The following KPNA1 variants were observed in gnomAD, a reference collection of about 807,000 sequenced individuals.
The protein encoded by KPNA1 is importin subunit alpha-5.
KPNA1 carries 10 observed loss-of-function variants against 70.5 expected under a neutral mutation model. The observed-to-expected ratio is 0.14, with a 90% CI of 0.09 to 0.24. The LOEUF is 0.24. KPNA1 is among the 10% of genes least tolerant of loss of function. KPNA1 has a pLI of 1.00. For missense variants in KPNA1, 397 were observed against 637.9 expected (o/e 0.62, Z 4.07); for synonymous variants, 192 against 221.9 (o/e 0.87, Z 1.20).
At chr3:122,472,779 CAAT>C (rs1165735892) in intron 2 of KPNA1, among the ~76,000 whole-genome samples, 1 of 152,048 alleles carries the variant, frequency 6.6e-6, no homozygotes, top group South Asian at 2.1e-4. Context: ...ATTAAAAGGA[CAAT>C]AAAATAATAC....
At position 122,425,443 on chromosome 3, in the gene KPNA1, G is replaced by A. The variant is rs533432234; in HGVS notation, c.*1542C>T. On this transcript the variant is annotated 3_prime_UTR_variant, in exon 14 of 14. Coordinates refer to ENST00000344337, the MANE Select transcript of KPNA1 (RefSeq NM_002264.4). ...AAAGGGTATGCTCTGAAACAGAGGT[G>A]AGCAACCTTTTCCTTCAGAATTCAC... 2.2e-4 allele frequency: 34 copies of A among 152,712 alleles called. No homozygotes were observed. The highest frequency in any genetic ancestry group is 3.5e-4 in the Non-Finnish European group (24 of 68,020). The allele number at this position is 152,712 out of a possible 1,614,324, so 9.5% of individuals were successfully genotyped here.
intron 6 of KPNA1, among the ~76,000 whole-genome samples, chr3:122,453,449 A>T (rs2076232974): frequency 6.6e-6 from 1 of 152,244 alleles, no homozygotes; most frequent in Admixed American, 6.5e-5. Flanking sequence ...CCTTTGTGAC[A>T]ATCCATAGAT....
In KPNA1 at chr3:122,513,838, G is replaced by C. The variant is rs79128380; in HGVS notation, c.-6+919C>G. Reference sequence around the variant, plus strand: ...CCAGCTACTTGGGAAGCTGAGGCAAGAGGACAGTTTGAGCTCAGGAGTTGG... The same window carrying C: ...CCAGCTACTTGGGAAGCTGAGGCAACAGGACAGTTTGAGCTCAGGAGTTGG... On this transcript the variant is annotated intron_variant, in intron 1 of 13. Transcript: ENST00000344337. Among the ~76,000 whole-genome samples the C allele has an allele frequency of 2.5e-3, 387 of 152,338 alleles. 1 individual carries two copies. Among genetic ancestry groups the C allele is most frequent in the East Asian group, 0.021 (109 of 5,188 alleles).
chr3:122,493,656 G>A (rs1386347721), intron 2 of KPNA1, among the ~76,000 whole-genome samples: 1 of 152,204 alleles, frequency 6.6e-6, no homozygotes, highest in Non-Finnish European at 1.5e-5. Flanking sequence ...ATATGAGGAA[G>A]GAAGGAGCTT....
At chr3:122,469,222 T>C (rs1393546624) in intron 2 of KPNA1, among the ~76,000 whole-genome samples, 1 of 152,082 alleles carries the variant, frequency 6.6e-6, no homozygotes, top group Non-Finnish European at 1.5e-5. Flanking sequence ...CCAAGAGTTT[T>C]GCCTAGGCCT....
At position 122,514,843 on chromosome 3, in the gene KPNA1, G is replaced by A. The variant is rs1039699315; in HGVS notation, c.-92C>T. On this transcript the variant is annotated 5_prime_UTR_variant, in exon 1 of 14. Coordinates refer to ENST00000344337, the MANE Select transcript of KPNA1 (RefSeq NM_002264.4). Reference sequence around the variant, plus strand: ...CCGTGCCACTCCCGCGCACAACCTCGAAGAGCTGGCCCGCGCCTCGGCGGT... The same window carrying A: ...CCGTGCCACTCCCGCGCACAACCTCAAAGAGCTGGCCCGCGCCTCGGCGGT... The A allele has an allele frequency of 1.3e-5, 2 of 152,680 alleles. No individual in the cohort carries two copies. The highest frequency in any genetic ancestry group is 4.8e-5 in the African/African-American group (2 of 41,414). 9.5% of individuals were successfully genotyped at this position (152,680 alleles called of 1,614,324 possible).
At chr3:122,441,978 G>T in intron 10 of KPNA1, 60 bp downstream of exon 10, 1 of 1,085,068 alleles carries the variant, frequency 9.2e-7, no homozygotes, top group South Asian at 1.3e-5. Context: ...ATAGAAACAT[G>T]ATCATGAAGT....
intron 5 of KPNA1, among the ~76,000 whole-genome samples, chr3:122,458,182 A>G (rs2076285070): frequency 6.6e-6 from 1 of 152,226 alleles, no homozygotes; most frequent in South Asian, 2.1e-4. Flanking sequence ...TGGGAATGCC[A>G]CATCTCAGCA....
intron 5 of KPNA1, chr3:122,459,774 CT>C: frequency 3.0e-6 from 3 of 985,422 alleles, no homozygotes; most frequent in Non-Finnish European, 3.6e-6. Context: ...AGTACTCTAC[CT>C]TTTCTGGATT....
Position 122,422,906 on chromosome 3 carries a change from TTTTC to T in KPNA1, c.*4075_*4078del, listed in dbSNP as rs1560008907. ...AGTTGAAAACAGAACGGAACACTTCTTTTCTTTCTTCTTACCCCAAGCTTCCAGA... is the reference window on the plus strand; with the variant it reads ...AGTTGAAAACAGAACGGAACACTTCTTTTCTTCTTACCCCAAGCTTCCAGA... On this transcript the variant is annotated 3_prime_UTR_variant, in exon 14 of 14. Transcript: ENST00000344337. 1.3e-5 allele frequency: 2 copies of T among 152,212 alleles called. No homozygotes were observed. The highest frequency in any genetic ancestry group is 4.8e-5 in the African/African-American group (2 of 41,472). The allele number at this position is 152,212 out of a possible 1,614,324, so 9.4% of individuals were successfully genotyped here.
chr3:122,454,753 G>C (rs2076246885), intron 5 of KPNA1, among the ~76,000 whole-genome samples: 1 of 152,084 alleles, frequency 6.6e-6, no homozygotes, highest in South Asian at 2.1e-4. Flanking sequence ...TACAGAGATA[G>C]GACTTTTTGG....
chr3:122,468,596 G>A (rs1253739506), intron 2 of KPNA1, among the ~76,000 whole-genome samples: 1 of 152,186 alleles, frequency 6.6e-6, no homozygotes, highest in African/African-American at 2.4e-5. Context: ...AACACATTTT[G>A]AAGAGACAGA....
At chr3:122,438,917 G>A (rs2076026450) in intron 10 of KPNA1, among the ~76,000 whole-genome samples, 1 of 152,114 alleles carries the variant, frequency 6.6e-6, no homozygotes, top group Non-Finnish European at 1.5e-5. Context: ...AATCGTAACA[G>A]ATTTTAAATG....
At chr3:122,492,644 T>C (rs549701609) in intron 2 of KPNA1, among the ~76,000 whole-genome samples, 145 of 152,350 alleles carry the variant, frequency 9.5e-4, no homozygotes, top group African/African-American at 3.4e-3. Flanking sequence ...AATAGCTAAC[T>C]GTAGCTAGTG....
chr3:122,451,204 C>T (rs1276562919), intron 8 of KPNA1, among the ~76,000 whole-genome samples: 3 of 152,098 alleles, frequency 2.0e-5, no homozygotes, highest in Non-Finnish European at 2.9e-5. Context: ...TTGAGAACCA[C>T]TGTTTTAAGA....
chr3:122,496,076 A>G (rs1371544822), intron 2 of KPNA1, among the ~76,000 whole-genome samples: 2 of 152,336 alleles, frequency 1.3e-5, no homozygotes, highest in Non-Finnish European at 2.9e-5. Flanking sequence ...TACAATGAAC[A>G]GCAACACTTT....
Position 122,476,327 on chromosome 3 carries a change from G to GTAAA in KPNA1, c.130-8902_130-8899dup, listed in dbSNP as rs1214402448. Among the ~76,000 whole-genome samples, 7 of 152,204 alleles carry GTAAA rather than the reference G, an allele frequency of 4.6e-5. No homozygotes were observed. In the East Asian group the frequency reaches 1.4e-3, roughly 29 times the overall value. ...AAGACTGAAACTAAGACCTGAAACT[G>GTAAA]TAAAACATAGGGAAAAAGCTTCTTG... On this transcript the variant is annotated intron_variant, in intron 2 of 13. Coordinates refer to ENST00000344337, the MANE Select transcript of KPNA1 (RefSeq NM_002264.4).
At chr3:122,466,222 T>A (rs1365829102) in intron 3 of KPNA1, among the ~76,000 whole-genome samples, 1 of 150,652 alleles carries the variant, frequency 6.6e-6, no homozygotes, top group Non-Finnish European at 1.5e-5. Context: ...TACAAAATAC[T>A]ATGAATAGTA....
At chr3:122,440,903 T>C (rs2076053861) in intron 10 of KPNA1, among the ~76,000 whole-genome samples, 1 of 152,206 alleles carries the variant, frequency 6.6e-6, no homozygotes, top group South Asian at 2.1e-4. Flanking sequence ...AGTTCCCTTG[T>C]GTACAGAATA....
Sources: gnomAD v4.1 joint callset for allele counts (sites outside exome capture counted in the v4.1 genomes callset) on GRCh38, gnomAD v4.1.1 for gene constraint, MANE v1.5 for transcripts, NCBI Gene and HGNC (gene_info 2026-07-23, HGNC 2026-07-21) for gene names.